The following FAM153A variants were observed in gnomAD, a reference collection of about 807,000 sequenced individuals.
FAM153A encodes the protein protein FAM153A.
FAM153A carries 12 observed loss-of-function variants against 48.1 expected under a neutral mutation model. The observed-to-expected ratio is 0.25, with a 90% CI of 0.16 to 0.40. The LOEUF is 0.40. FAM153A is among the 10% of genes least tolerant of loss of function. The probability of loss-of-function intolerance (pLI) is 1.00; values close to 1 mark genes in which losing one functional copy is unlikely to be tolerated. For missense variants in FAM153A, 111 were observed against 345.8 expected (o/e 0.32, Z 5.38); for synonymous variants, 36 against 118.2 (o/e 0.30, Z 4.51).
intron 10 of FAM153A, among the ~76,000 whole-genome samples, chr5:177,737,918 G>T (rs1327256219): frequency 6.6e-6 from 1 of 151,668 alleles, no homozygotes; most frequent in African/African-American, 2.4e-5. Context: ...TTTTAAAGAA[G>T]ACTAAACCAA....
At chr5:177,709,213 A>C (rs1248838767), downstream of FAM153A, among the ~76,000 whole-genome samples, 3 of 148,638 alleles carry the variant, frequency 2.0e-5, no homozygotes, top group Non-Finnish European at 4.4e-5. Flanking sequence ...TCAACACGGT[A>C]ACTGCTTCAC....
At chr5:177,728,792 C>T (rs1275107335) in intron 18 of FAM153A, among the ~76,000 whole-genome samples, 1 of 149,828 alleles carries the variant, frequency 6.7e-6, no homozygotes, top group Non-Finnish European at 1.5e-5. Context: ...GTCTCAAACT[C>T]CTGACCTCTG....
In FAM153A at chr5:177,736,628, C is replaced by G; in HGVS notation, c.634-19G>C. On this transcript the variant is annotated intron_variant, in intron 11 of 20. Coordinates refer to ENST00000614127, the Ensembl canonical transcript of FAM153A. ...CCTCCATCTAGAGAAAAACAAAACA[C>G]TATGAGGATCAGACCAGGCTGTGTC... 1 of 1,602,422 alleles carries G rather than the reference C, an allele frequency of 6.2e-7. No homozygotes were observed.
chr5:177,745,860 T>G (rs1420090843), intron 4 of FAM153A, among the ~76,000 whole-genome samples: 3 of 151,570 alleles, frequency 2.0e-5, no homozygotes, highest in African/African-American at 7.3e-5. Flanking sequence ...CTGTGTGTTT[T>G]ACATTAATGA....
chr5:177,710,584 G>T (rs1162966879), downstream of FAM153A, among the ~76,000 whole-genome samples: 3 of 149,786 alleles, frequency 2.0e-5, no homozygotes, highest in African/African-American at 7.4e-5. Context: ...TCCAATGTAA[G>T]CTTGTTATTC....
chr5:177,739,184 C>G, intron 9 of FAM153A, 47 bp from the exon 12 acceptor site: 2 of 1,604,358 alleles, frequency 1.2e-6, no homozygotes, highest in Non-Finnish European at 8.5e-7. Flanking sequence ...ATCATGCTGT[C>G]TCTGTGCACA....
intron 1 of FAM153A, chr5:177,753,120 G>A (rs1242210539): frequency 6.7e-7 from 1 of 1,490,204 alleles, no homozygotes; most frequent in African/African-American, 1.4e-5. Context: ...TAACATACAG[G>A]AAAACTGGCT....
At chr5:177,695,871 ATGATGGG>A in the FAM153A span, among the ~76,000 whole-genome samples, 111 of 146,264 alleles carry the variant, frequency 7.6e-4, no homozygotes, top group Non-Finnish European at 1.0e-3. Context: ...CACTTCCCAG[ATGATGGG>A]CGGCCGGGCA....
chr5:177,755,666 G>C (rs1031224477), upstream of FAM153A, among the ~76,000 whole-genome samples: 36 of 151,906 alleles, frequency 2.4e-4, 3 homozygotes, highest in African/African-American at 8.7e-4. Flanking sequence ...CCAGAAGAGA[G>C]TGGGGGCCAA....
At chr5:177,743,549 T>TG (rs1765657305) in intron 6 of FAM153A, among the ~76,000 whole-genome samples, 1 of 125,216 alleles carries the variant, frequency 8.0e-6, no homozygotes, top group African/African-American at 3.1e-5. Flanking sequence ...TGGAGAAAGT[T>TG]GGGGTGATTT....
chr5:177,730,773 G>T (rs1763698016), intron 16 of FAM153A, among the ~76,000 whole-genome samples: 1 of 139,382 alleles, frequency 7.2e-6, no homozygotes, highest in Admixed American at 7.4e-5. Context: ...AAGACCAAGA[G>T]CTTGGGAAAT....
intron 1 of FAM153A, among the ~76,000 whole-genome samples, chr5:177,759,178 A>G (rs1173512599): frequency 6.6e-6 from 1 of 152,102 alleles, no homozygotes; most frequent in East Asian, 1.9e-4. Context: ...GACACTTCTC[A>G]AAAGAAGACA....
At chr5:177,716,964 AGTGTGTGTGTGTGTGTGT>A (rs59312087) in intron 24 of FAM153A, among the ~76,000 whole-genome samples, 3 of 127,652 alleles carry the variant, frequency 2.4e-5, no homozygotes, top group Admixed American at 8.4e-5. Context: ...ATTCCCGCTT[AGTGTGTGTGTGTGTGTGT>A]GTGTGTGTGT....
At chr5:177,700,253 A>C in the FAM153A span, among the ~76,000 whole-genome samples, 8 of 151,998 alleles carry the variant, frequency 5.3e-5, no homozygotes, top group African/African-American at 1.9e-4. Context: ...AGGGTAAAAG[A>C]TTGAGAGCTT....
At chr5:177,715,113 G>A (rs1224423487) in intron 25 of FAM153A, among the ~76,000 whole-genome samples, 1 of 147,384 alleles carries the variant, frequency 6.8e-6, no homozygotes, top group African/African-American at 2.5e-5. Flanking sequence ...CAAATTGATA[G>A]AGACGACCTT....
the FAM153A span, among the ~76,000 whole-genome samples, chr5:177,697,465 GACTGCACAGCCTCATCTGC>G: frequency 2.0e-5 from 3 of 151,476 alleles, no homozygotes; most frequent in Non-Finnish European, 4.4e-5. Flanking sequence ...ATTGTCTGCA[GACTGCACAGCCTCATCTGC>G]AGCTGAGGCA....
upstream of FAM153A, among the ~76,000 whole-genome samples, chr5:177,755,129 G>T (rs1414494993): frequency 6.6e-6 from 1 of 151,928 alleles, no homozygotes; most frequent in African/African-American, 2.4e-5. Context: ...CCAATGCAGA[G>T]AAGTCCTTAA....
At chr5:177,739,243 G>A in intron 9 of FAM153A, 106 bp from the exon 12 acceptor site, 1 of 1,249,882 alleles carries the variant, frequency 8.0e-7, no homozygotes, top group East Asian at 2.4e-5. Flanking sequence ...GGAAATTCTG[G>A]TGGAGGCAAT....
downstream of FAM153A, among the ~76,000 whole-genome samples, chr5:177,707,228 T>C (rs1696913): frequency 2.6e-5 from 4 of 151,866 alleles, no homozygotes; most frequent in Non-Finnish European, 4.4e-5. Flanking sequence ...AACTGCAGAA[T>C]GTGCATTCTT....
Sources: allele counts gnomAD v4.1 joint callset (sites outside exome capture counted in the v4.1 genomes callset), GRCh38; gene constraint gnomAD v4.1.1; transcripts MANE v1.5; gene names NCBI Gene and HGNC (gene_info 2026-07-23, HGNC 2026-07-21).